Variants in UBASH3B observed in about 807,000 individuals in gnomAD.
The protein encoded by UBASH3B is ubiquitin-associated and SH3 domain-containing protein B.
Under a neutral mutation model 83.4 loss-of-function variants are expected in UBASH3B, and 37 were observed. That is an observed-to-expected ratio of 0.44 (90% CI 0.34 to 0.58). The LOEUF (loss-of-function observed/expected upper bound fraction) is 0.58, where lower values mean the gene tolerates loss of function less well. UBASH3B is among the 20% of genes least tolerant of loss of function. UBASH3B has a pLI of 0.01. For synonymous variants in UBASH3B, 304 were observed against 318.3 expected (o/e 0.96, Z 0.48); for missense variants, 657 against 827.2 (o/e 0.79, Z 2.52).
intron 5 of UBASH3B, among the ~76,000 whole-genome samples, chr11:122,785,985 T>C (rs1330709824): frequency 1.3e-5 from 2 of 152,150 alleles, no homozygotes; most frequent in Non-Finnish European, 2.9e-5. Flanking sequence ...TCCATCCCAT[T>C]GTAGTAAGGA....
At chr11:122,674,250 G>A (rs73014256) in intron 1 of UBASH3B, among the ~76,000 whole-genome samples, 2,319 of 152,188 alleles carry the variant, frequency 0.015, 19 homozygotes, top group Non-Finnish European at 0.025. Flanking sequence ...GGGGCCCCTC[G>A]TTCCTCTGAA....
At chr11:122,708,476 T>C (rs4936729) in intron 1 of UBASH3B, among the ~76,000 whole-genome samples, 1 of 151,724 alleles carries the variant, frequency 6.6e-6, no homozygotes, top group African/African-American at 2.4e-5. Flanking sequence ...GTATTATTAG[T>C]AGAGACAGGG....
intron 1 of UBASH3B, among the ~76,000 whole-genome samples, chr11:122,733,143 G>A (rs1223775853): frequency 2.0e-5 from 3 of 152,188 alleles, no homozygotes; most frequent in African/African-American, 4.8e-5. Context: ...ATGGGGAGTC[G>A]AGTGTAGAGG....
chr11:122,754,969 C>A (rs1861260253), intron 1 of UBASH3B, among the ~76,000 whole-genome samples: 1 of 152,168 alleles, frequency 6.6e-6, no homozygotes, highest in Admixed American at 6.5e-5. Flanking sequence ...GGAAAGAAGG[C>A]TCACGTTGGA....
At chr11:122,689,289 A>AT (rs1176145994) in intron 1 of UBASH3B, among the ~76,000 whole-genome samples, 1 of 152,092 alleles carries the variant, frequency 6.6e-6, no homozygotes, top group Non-Finnish European at 1.5e-5. Flanking sequence ...TTGTCTAAAC[A>AT]TTTTTCTGTC....
rs185797623 is a variant in UBASH3B, at chr11:122,750,409, T to C, written c.162-25810T>C. Among the ~76,000 whole-genome samples the C allele has an allele frequency of 1.9e-4, 29 of 151,788 alleles. No homozygotes were observed. In the East Asian group the frequency reaches 5.6e-3, roughly 29 times the overall value. On this transcript the variant is annotated intron_variant, in intron 1 of 13. Transcript: ENST00000284273. ...CTCAGTTACCCCCACAGAATGTTGT[T>C]GTGATTTTGACCCAAACCCCCAAAG... is the stretch of plus-strand genomic sequence containing the variant.
rs1861332159 is a variant in UBASH3B, at chr11:122,759,318, G to A, written c.162-16901G>A. ...CTGCTTCTCCTTGGCCAGCAGGAAA[G>A]CGAGTCATTTAGAGCAGTGGTCCCC... is the stretch of plus-strand genomic sequence containing the variant. On this transcript the variant is annotated intron_variant, in intron 1 of 13. Coordinates refer to ENST00000284273, the MANE Select transcript of UBASH3B (RefSeq NM_032873.5). This position sits in a 1 kb window ranked among gnomAD's most constrained non-coding sequence, Gnocchi z 4.1. 6.6e-6 allele frequency among the ~76,000 whole-genome samples: 1 copy of A among 152,200 alleles called. No individual in the cohort carries two copies. The highest frequency in any genetic ancestry group is 1.5e-5 in the Non-Finnish European group (1 of 68,042).
chr11:122,712,896 GTTTTTTTTTTT>G (rs386375116), intron 1 of UBASH3B, among the ~76,000 whole-genome samples: 30 of 64,516 alleles, frequency 4.7e-4, no homozygotes, highest in East Asian at 1.4e-3. Flanking sequence ...TCTCTGGGTG[GTTTTTTTTTTT>G]TTTTTTTTTT....
At chr11:122,757,163 T>C (rs141401505) in intron 1 of UBASH3B, among the ~76,000 whole-genome samples, 64 of 152,364 alleles carry the variant, frequency 4.2e-4, no homozygotes, top group African/African-American at 1.4e-3. Flanking sequence ...GTACTGGGCA[T>C]GTTACTGTAG....
At chr11:122,677,052 C>T (rs1160909112) in intron 1 of UBASH3B, among the ~76,000 whole-genome samples, 1 of 152,150 alleles carries the variant, frequency 6.6e-6, no homozygotes, top group Non-Finnish European at 1.5e-5. Context: ...GTTGTTTCAA[C>T]CAATTGCAAA....
chr11:122,776,906 C>A, intron 2 of UBASH3B, 118 bp from the exon 3 acceptor site: 1 of 912,526 alleles, frequency 1.1e-6, no homozygotes, highest in Middle Eastern at 2.3e-4. Context: ...GAATGAAAAC[C>A]CTTCCCCGCG....
chr11:122,728,466 C>A (rs555715429), intron 1 of UBASH3B, among the ~76,000 whole-genome samples: 1 of 152,314 alleles, frequency 6.6e-6, no homozygotes, highest in South Asian at 2.1e-4. Flanking sequence ...AGATGGGGGC[C>A]ACCAGCCCAA....
intron 1 of UBASH3B, among the ~76,000 whole-genome samples, chr11:122,663,053 T>C (rs1863467703): frequency 6.9e-6 from 1 of 144,910 alleles, no homozygotes; most frequent in African/African-American, 2.6e-5. Flanking sequence ...CCCGGCTCAC[T>C]GCAACCTCCG....
chr11:122,681,938 G>A (rs962232601), intron 1 of UBASH3B, among the ~76,000 whole-genome samples: 1 of 152,178 alleles, frequency 6.6e-6, no homozygotes, highest in Non-Finnish European at 1.5e-5. Flanking sequence ...GAAGCCTTGT[G>A]TGCTGAGTGT....
chr11:122,780,949 C>T (rs1860841685), intron 4 of UBASH3B, among the ~76,000 whole-genome samples: 1 of 152,218 alleles, frequency 6.6e-6, no homozygotes, highest in South Asian at 2.1e-4. Flanking sequence ...GGCCTTTGGC[C>T]TATCCCTCAC....
At chr11:122,800,863 T>C (rs1262797834) in intron 10 of UBASH3B, among the ~76,000 whole-genome samples, 1 of 152,052 alleles carries the variant, frequency 6.6e-6, no homozygotes, top group Non-Finnish European at 1.5e-5. Flanking sequence ...CTCCTCCGCC[T>C]CCCAAAGTGT....
At position 122,798,582 on chromosome 11, in the gene UBASH3B, G is replaced by A. The variant is rs188765914; in HGVS notation, c.1358-360G>A. ...AAAAATTAGCTGGGTGTGGTGGTGC[G>A]CGCCTGTACTCCCAGCTACTCGGGA... On this transcript the variant is annotated intron_variant, in intron 9 of 13. Transcript: ENST00000284273. Among the ~76,000 whole-genome samples, 289 of 151,784 alleles carry A rather than the reference G, an allele frequency of 1.9e-3. 1 individual carries two copies. Among genetic ancestry groups the A allele is most frequent in the African/African-American group, 6.5e-3 (267 of 41,392 alleles).
intron 1 of UBASH3B, among the ~76,000 whole-genome samples, chr11:122,740,072 A>T (rs1894086): frequency 0.47 from 71,377 of 152,070 alleles, 17,345 homozygotes; most frequent in East Asian, 0.57. Context: ...CCATTTTGTC[A>T]TATTCATTTA....
intron 1 of UBASH3B, among the ~76,000 whole-genome samples, chr11:122,752,333 A>G (rs1194773920): frequency 6.6e-6 from 1 of 152,228 alleles, no homozygotes; most frequent in African/African-American, 2.4e-5. Flanking sequence ...AAAAGTCCAC[A>G]TGGGAGAACA....
Sources: gnomAD v4.1 joint callset for allele counts (sites outside exome capture counted in the v4.1 genomes callset) on GRCh38, gnomAD v4.1.1 for gene constraint, Gnocchi (gnomAD v3.1) non-coding constraint, MANE v1.5 for transcripts, NCBI Gene and HGNC (gene_info 2026-07-23, HGNC 2026-07-21) for gene names.